Variants in ANGPT4 observed in about 807,000 individuals in gnomAD.
The protein encoded by ANGPT4 is angiopoietin-4.
In ANGPT4, 50 loss-of-function variants were observed where a neutral mutation model predicts 53.0. That is an observed-to-expected ratio of 0.94 (90% CI 0.75 to 1.20). The LOEUF (loss-of-function observed/expected upper bound fraction) is 1.20, where lower values mean the gene tolerates loss of function less well. ANGPT4 is among the 50% of genes most tolerant of loss of function. The pLI is 0.00. For missense variants in ANGPT4, 648 were observed against 637.1 expected, an observed-to-expected ratio of 1.02 and a Z score of -0.18; for synonymous variants, 251 against 259.7, an observed-to-expected ratio of 0.97 and a Z score of 0.32.
Position 911,990 on chromosome 20 carries a change from A to G in ANGPT4, c.309+3916T>C, listed in dbSNP as rs954934953. ...CCCTAAAGGTGAGAAAGTAGTTCTCACCTGCAGTTTCCAGGTGGGGTCAGC... is the reference window on the plus strand; with the variant it reads ...CCCTAAAGGTGAGAAAGTAGTTCTCGCCTGCAGTTTCCAGGTGGGGTCAGC... On this transcript the variant is annotated intron_variant, in intron 1 of 8. Transcript: ENST00000381922. This position sits in a 1 kb window ranked among gnomAD's most constrained non-coding sequence, Gnocchi z 4.9. Among the ~76,000 whole-genome samples the G allele has an allele frequency of 1.5e-4, 22 of 151,632 alleles. No homozygotes were observed. Among genetic ancestry groups the G allele is most frequent in the Admixed American group, 5.3e-4 (8 of 15,220 alleles).
chr20:888,162 C>G (rs1233080217), intron 3 of ANGPT4, among the ~76,000 whole-genome samples, 156 bp downstream of exon 3: 1 of 152,176 alleles, frequency 6.6e-6, no homozygotes, highest in African/African-American at 2.4e-5. Context: ...GCTCCTAGGT[C>G]TGGCTGCAGG....
intron 1 of ANGPT4, among the ~76,000 whole-genome samples, chr20:899,949 C>G (rs1478010101): frequency 6.6e-6 from 1 of 152,200 alleles, no homozygotes; most frequent in East Asian, 1.9e-4. Context: ...TACTTTCTTT[C>G]CATCACTCCC....
At chr20:903,972 TA>T (rs1982384280) in intron 1 of ANGPT4, among the ~76,000 whole-genome samples, 1 of 152,010 alleles carries the variant, frequency 6.6e-6, no homozygotes, top group African/African-American at 2.4e-5. Context: ...ATCAGGAAAA[TA>T]AAGTGCCAGA....
At chr20:876,977 G>T (rs2122760767) in intron 7 of ANGPT4, among the ~76,000 whole-genome samples, 1 of 152,276 alleles carries the variant, frequency 6.6e-6, no homozygotes, top group East Asian at 1.9e-4. Flanking sequence ...AGCCTGGGAG[G>T]TCTGGGAGGT....
intron 2 of ANGPT4, among the ~76,000 whole-genome samples, chr20:889,172 A>C: frequency 6.6e-6 from 1 of 150,856 alleles, no homozygotes; most frequent in Non-Finnish European, 1.5e-5. Flanking sequence ...TGCAGCTCTC[A>C]TCCCCCCCCA....
intron 2 of ANGPT4, 65 bp from the exon 3 acceptor site, chr20:888,504 C>A: frequency 6.5e-7 from 1 of 1,548,068 alleles, no homozygotes; most frequent in Non-Finnish European, 8.7e-7. Context: ...GCCCAACCAC[C>A]CACCTGCCCA....
chr20:900,020 T>C lies in ANGPT4; in HGVS notation c.310-9652A>G, dbSNP rs549531511. On this transcript the variant is annotated intron_variant, in intron 1 of 8. Coordinates refer to ENST00000381922, the MANE Select transcript of ANGPT4 (RefSeq NM_015985.4). ...TCTTCCCACACAAGGCAAATGGTTC[T>C]TGGACTAAGGAAAATTCCTCCTTCC... is the stretch of plus-strand genomic sequence containing the variant. Among the ~76,000 whole-genome samples, 14 of 152,354 alleles carry C rather than the reference T, an allele frequency of 9.2e-5. No individual in the cohort carries two copies. The East Asian group carries it at 1.2e-3, about 13-fold the overall frequency.
chr20:874,290 A>G lies in ANGPT4; in HGVS notation c.1345T>C (p.Ser449Pro). 1 of 1,614,052 alleles carries G rather than the reference A, an allele frequency of 6.2e-7. No homozygotes were observed. Among genetic ancestry groups the G allele is most frequent in the African/African-American group, 1.3e-5 (1 of 75,056 alleles). ...CACCCCACCCTGCACCTACCTCCAG[A>G]CATCACTTGGGCACACTTGCAGAGA... is the stretch of plus-strand genomic sequence containing the variant. ...HCLCKCAQVM[S>P]GGWWFDACGL... The change falls in exon 8 of 9, where the codon TCT (serine) becomes CCT (proline). Residue 449 changes from serine (S) to proline (P), a missense_variant. Coordinates refer to ENST00000381922, the MANE Select transcript of ANGPT4 (RefSeq NM_015985.4).
intron 7 of ANGPT4, 49 bp downstream of exon 7, chr20:878,112 C>A: frequency 6.5e-7 from 1 of 1,548,074 alleles, no homozygotes; most frequent in South Asian, 1.2e-5. Flanking sequence ...CCAGCCCGCC[C>A]ACTAGCTGAA....
In ANGPT4 at chr20:870,769, C is replaced by G. The variant is rs1361925026; in HGVS notation, c.*2191G>C. On this transcript the variant is annotated 3_prime_UTR_variant, in exon 9 of 9. Coordinates refer to ENST00000381922, the MANE Select transcript of ANGPT4 (RefSeq NM_015985.4). ...AAAATGCCTTTTCCTCACCTGAGTGCAGGAGAAGGGGCGGCATGTGCTGGG... is the reference window on the plus strand; with the variant it reads ...AAAATGCCTTTTCCTCACCTGAGTGGAGGAGAAGGGGCGGCATGTGCTGGG... 6.6e-6 allele frequency: 1 copy of G among 152,208 alleles called. No homozygotes were observed. The highest frequency in any genetic ancestry group is 1.9e-4 in the East Asian group (1 of 5,192). The allele number at this position is 152,208 out of a possible 1,614,324, so 9.4% of individuals were successfully genotyped here.
At position 890,238 on chromosome 20, in the gene ANGPT4, C is replaced by A. The variant is rs150123876; in HGVS notation, c.440G>T (p.Arg147Leu). The change falls in exon 2 of 9, where the codon CGC becomes CTC. Residue 147 changes from arginine to leucine, a missense_variant. Transcript: ENST00000381922. ...SLLNQTTAQI[R>L]KLTDMEAQLL... Reference sequence around the variant, plus strand: ...CTGAGCCTCCATGTCGGTCAGCTTGCGGATCTGGGCAGTGGTCTGGTTCAG... The same window carrying A: ...CTGAGCCTCCATGTCGGTCAGCTTGAGGATCTGGGCAGTGGTCTGGTTCAG... 10 of 1,613,652 alleles carry A rather than the reference C, an allele frequency of 6.2e-6. No individual in the cohort carries two copies. Among genetic ancestry groups the A allele is most frequent in the East Asian group, 4.5e-5 (2 of 44,886 alleles).
At chr20:876,527 T>C (rs1981178346) in intron 7 of ANGPT4, among the ~76,000 whole-genome samples, 1 of 152,366 alleles carries the variant, frequency 6.6e-6, no homozygotes, top group African/African-American at 2.4e-5. Context: ...GAGCGTTTAC[T>C]ACATGCCAGG....
chr20:890,514 G>T (rs6118095), intron 1 of ANGPT4, 146 bp from the exon 2 acceptor site: 1 of 676,480 alleles, frequency 1.5e-6, no homozygotes, highest in Non-Finnish European at 2.5e-6. Context: ...CCACCATTAC[G>T]TCTTGCCTGG....
chr20:890,406 CG>C (rs748884201), intron 1 of ANGPT4, 38 bp from the exon 2 acceptor site: 18 of 840,886 alleles, frequency 2.1e-5, no homozygotes, highest in African/African-American at 1.4e-4. Flanking sequence ...GGGGGAGGGG[CG>C]GGGGAAGCCC....
intron 8 of ANGPT4, among the ~76,000 whole-genome samples, chr20:873,646 C>T (rs990393279): frequency 1.3e-5 from 2 of 151,902 alleles, no homozygotes; most frequent in Admixed American, 6.6e-5. Context: ...CCCCATCTTT[C>T]ACATGCTGTG....
chr20:880,935 G>A (rs1981379188), intron 5 of ANGPT4, among the ~76,000 whole-genome samples: 1 of 152,208 alleles, frequency 6.6e-6, no homozygotes, highest in South Asian at 2.1e-4. Context: ...ATTTTGTGCT[G>A]TTCCAGTTAA....
rs1446948210 is a variant in ANGPT4, at chr20:916,251, A to G, written c.-37T>C. The G allele has an allele frequency of 1.3e-6, 2 of 1,586,456 alleles. No individual in the cohort carries two copies. Among genetic ancestry groups the G allele is most frequent in the Non-Finnish European group, 8.6e-7 (1 of 1,163,806 alleles). On this transcript the variant is annotated 5_prime_UTR_variant, in exon 1 of 9. Transcript: ENST00000381922. ...TCAATGGCGAGGGATGTCTGCTCAGAGCCCTAGGGGCTGTGCCTGGGATGT... is the reference window on the plus strand; with the variant it reads ...TCAATGGCGAGGGATGTCTGCTCAGGGCCCTAGGGGCTGTGCCTGGGATGT...
Position 904,621 on chromosome 20 carries a change from C to T in ANGPT4, c.309+11285G>A, listed in dbSNP as rs149166955. Among the ~76,000 whole-genome samples the T allele has an allele frequency of 3.6e-3, 550 of 152,294 alleles. 1 individual carries two copies. The highest frequency in any genetic ancestry group is 0.013 in the African/African-American group (522 of 41,568). ...TGCTTCAAAGTAGAGTGAAATCACA[C>T]GTTTTTTTGGTCCTTTGTTTTTTGA... On this transcript the variant is annotated intron_variant, in intron 1 of 8. Transcript: ENST00000381922.
chr20:914,238 A>G lies in ANGPT4; in HGVS notation c.309+1668T>C, dbSNP rs523865. On this transcript the variant is annotated intron_variant, in intron 1 of 8. Transcript: ENST00000381922. This position sits in a 1 kb window ranked among gnomAD's most constrained non-coding sequence, Gnocchi z 5.0. Reference sequence around the variant, plus strand: ...CACACCAAAAGAAATGTTTTTAAGAACATTAGGTAGGGATAAGTTCTAAGA... The same window carrying G: ...CACACCAAAAGAAATGTTTTTAAGAGCATTAGGTAGGGATAAGTTCTAAGA... Among the ~76,000 whole-genome samples, 46,582 of 151,830 alleles carry G rather than the reference A, an allele frequency of 0.31. 7,822 individuals are homozygous for G. Among genetic ancestry groups the G allele is most frequent in the African/African-American group, 0.44 (18,391 of 41,354 alleles).
Sources: allele counts gnomAD v4.1 joint callset (sites outside exome capture counted in the v4.1 genomes callset), GRCh38; gene constraint gnomAD v4.1.1; non-coding constraint Gnocchi (gnomAD v3.1); transcripts MANE v1.5; gene names NCBI Gene and HGNC (gene_info 2026-07-23, HGNC 2026-07-21).